Variants in RB1 observed in about 807,000 individuals in gnomAD.
RB1 encodes the protein retinoblastoma-associated protein.
In RB1, 18 loss-of-function variants were observed where a neutral mutation model predicts 135.4. The ratio of observed to expected loss-of-function variants is 0.13; its 90% CI spans 0.09 to 0.20. RB1 has a LOEUF of 0.20. RB1 is among the 10% of genes least tolerant of loss of function. The pLI is 1.00. For synonymous variants in RB1, 365 were observed against 373.2 expected (o/e 0.98, Z 0.25); for missense variants, 868 against 1,110.0 (o/e 0.78, Z 3.10).
chr13:48,313,745 CTTTTTTTTTTT>C (rs56131979), intron 2 of RB1, among the ~76,000 whole-genome samples: 6 of 101,962 alleles, frequency 5.9e-5, no homozygotes, highest in Non-Finnish European at 1.1e-4. Context: ...TATGTTTATT[CTTTTTTTTTTT>C]TTTTTTTTTT....
rs2138342314 is a variant in RB1, at chr13:48,463,753, G to T, written c.2129G>T (p.Gly710Val). 1 of 1,578,546 alleles carries T rather than the reference G, an allele frequency of 6.3e-7. No individual in the cohort carries two copies. The highest frequency in any genetic ancestry group is 8.7e-7 in the Non-Finnish European group (1 of 1,148,138). ...TAGATTATGATGTGTTCCATGTATG[G>T]CATATGCAAAGTGAAGAATATAGAC... is the stretch of plus-strand genomic sequence containing the variant. Reference protein sequence around the residue: ...LDQIMMCSMYGICKVKNIDLK... With the variant: ...LDQIMMCSMYVICKVKNIDLK... Residue 710 changes from glycine to valine, a missense_variant, in exon 21 of 27, where the codon GGC becomes GTC. Around this residue, in one of 3 missense-constraint regions of RB1, gnomAD observed 31 missense variants for 78.9 expected, o/e 0.39. Transcript: ENST00000267163.
At chr13:48,325,791 G>A (rs910345111) in intron 2 of RB1, among the ~76,000 whole-genome samples, 9 of 151,858 alleles carry the variant, frequency 5.9e-5, no homozygotes, top group Non-Finnish European at 1.0e-4. Flanking sequence ...AAACCGTTGC[G>A]GTGAATTATC....
At chr13:48,402,742 G>A (rs1395014895) in intron 17 of RB1, among the ~76,000 whole-genome samples, 2 of 151,770 alleles carry the variant, frequency 1.3e-5, no homozygotes, top group South Asian at 2.1e-4. Flanking sequence ...TTTTCCCCTC[G>A]TTTTAGGTAG....
At chr13:48,443,581 T>C (rs1949258952) in intron 17 of RB1, among the ~76,000 whole-genome samples, 1 of 152,234 alleles carries the variant, frequency 6.6e-6, no homozygotes, top group South Asian at 2.1e-4. Flanking sequence ...AAACTGAAAG[T>C]ACTTTCATTC....
chr13:48,333,988 T>C (rs1448725422), intron 2 of RB1, among the ~76,000 whole-genome samples: 1 of 152,136 alleles, frequency 6.6e-6, no homozygotes, highest in Non-Finnish European at 1.5e-5. Flanking sequence ...CCATAGGAGT[T>C]TTTCAAATTT....
intron 2 of RB1, chr13:48,328,678 C>T (rs1446613469): frequency 2.1e-6 from 1 of 477,732 alleles, no homozygotes. Context: ...TTCTCCACCC[C>T]CAGCTCCCAG....
At chr13:48,333,924 G>A (rs1952360264) in intron 2 of RB1, among the ~76,000 whole-genome samples, 1 of 152,118 alleles carries the variant, frequency 6.6e-6, no homozygotes, top group Admixed American at 6.5e-5. Flanking sequence ...GGACAAATGA[G>A]CAAGCAAGCA....
rs77181332 is a variant in RB1, at chr13:48,449,068, A to G, written c.1696-3925A>G. ...GTATTTAGTAATGTATTGCTTAGGCATGAGTAACTTCCTATTTGAAAGAAC... is the reference window on the plus strand; with the variant it reads ...GTATTTAGTAATGTATTGCTTAGGCGTGAGTAACTTCCTATTTGAAAGAAC... On this transcript the variant is annotated intron_variant, in intron 17 of 26. Coordinates refer to ENST00000267163, the MANE Select transcript of RB1 (RefSeq NM_000321.3). 5.3e-5 allele frequency among the ~76,000 whole-genome samples: 8 copies of G among 152,298 alleles called. No homozygotes were observed. The East Asian group carries it at 1.5e-3, about 29-fold the overall frequency.
Position 48,452,462 on chromosome 13 carries a change from G to A in RB1, c.1696-531G>A, listed in dbSNP as rs375570214. ...TGTAGTAATTTTCCACTTGGTCTACGTTTTCCAATTTATTGATATAAAATT... is the reference window on the plus strand; with the variant it reads ...TGTAGTAATTTTCCACTTGGTCTACATTTTCCAATTTATTGATATAAAATT... On this transcript the variant is annotated intron_variant, in intron 17 of 26. Transcript: ENST00000267163. Among the ~76,000 whole-genome samples the A allele has an allele frequency of 1.8e-4, 27 of 151,822 alleles. No homozygotes were observed. In the East Asian group the frequency reaches 2.3e-3, roughly 13 times the overall value.
chr13:48,455,213 G>T (rs983486912), intron 18 of RB1, among the ~76,000 whole-genome samples: 4 of 152,162 alleles, frequency 2.6e-5, no homozygotes, highest in Non-Finnish European at 5.9e-5. Flanking sequence ...CTAGGTTTTT[G>T]ACTTAAGACA....
At chr13:48,466,385 A>T (rs1472849834) in intron 23 of RB1, among the ~76,000 whole-genome samples, 1 of 88,594 alleles carries the variant, frequency 1.1e-5, no homozygotes, top group South Asian at 5.7e-4. Context: ...CAGAAAGGAC[A>T]TCTACACCGA....
intron 2 of RB1, among the ~76,000 whole-genome samples, chr13:48,311,304 A>T (rs917245417): frequency 4.6e-5 from 7 of 152,140 alleles, no homozygotes; most frequent in African/African-American, 1.7e-4. Context: ...TATTTTTGTG[A>T]TATGGTGGTT....
intron 6 of RB1, among the ~76,000 whole-genome samples, chr13:48,355,120 G>T (rs1952579257): frequency 1.3e-5 from 2 of 152,104 alleles, no homozygotes; most frequent in East Asian, 3.9e-4. Flanking sequence ...AATGAATGAA[G>T]TGAAGAGACA....
Position 48,463,813 on chromosome 13 carries a change from A to G in RB1, c.2189A>G (p.Asp730Gly). ...AAAATCATTGTAACAGCATACAAGG[A>G]TCTTCCTCATGCTGTTCAGGAGGTA... ...KFKIIVTAYK[D>G]LPHAVQETFK... Residue 730 changes from aspartate to glycine, a missense_variant, in exon 21 of 27, where the codon GAT (aspartate) becomes GGT (glycine). Transcript: ENST00000267163. 1 of 1,604,232 alleles carries G rather than the reference A, an allele frequency of 6.2e-7. No individual in the cohort carries two copies. The highest frequency in any genetic ancestry group is 8.5e-7 in the Non-Finnish European group (1 of 1,171,268).
chr13:48,314,040 G>A (rs1323376073), intron 2 of RB1, among the ~76,000 whole-genome samples: 3 of 152,076 alleles, frequency 2.0e-5, no homozygotes, highest in Non-Finnish European at 4.4e-5. Context: ...GAGCCACCGC[G>A]CCTGGCCGTA....
intron 10 of RB1, among the ~76,000 whole-genome samples, 172 bp downstream of exon 10, chr13:48,367,775 T>G (rs1952718584): frequency 6.6e-6 from 1 of 152,192 alleles, no homozygotes; most frequent in South Asian, 2.1e-4. Context: ...ATAACTTATC[T>G]ACAAATATAG....
intron 2 of RB1, among the ~76,000 whole-genome samples, chr13:48,324,917 A>G (rs540964121): frequency 2.5e-4 from 37 of 150,944 alleles, no homozygotes; most frequent in Non-Finnish European, 5.9e-5. Flanking sequence ...AGCTTCATTC[A>G]TGATGGCATA....
chr13:48,394,832 A>C (rs566818485), intron 17 of RB1, among the ~76,000 whole-genome samples: 1 of 152,220 alleles, frequency 6.6e-6, no homozygotes, highest in South Asian at 2.1e-4. Flanking sequence ...CAGCAGACTT[A>C]AACATTCCTG....
At chr13:48,333,083 C>T (rs1198623951) in intron 2 of RB1, 7 of 398,088 alleles carry the variant, frequency 1.8e-5, no homozygotes, top group East Asian at 3.6e-5. Flanking sequence ...AAAGTGAAAC[C>T]GTGGATATGG....
Sources: allele counts gnomAD v4.1 joint callset (sites outside exome capture counted in the v4.1 genomes callset), GRCh38; gene constraint gnomAD v4.1.1; regional missense constraint gnomAD v4.1.1; transcripts MANE v1.5; gene names NCBI Gene and HGNC (gene_info 2026-07-23, HGNC 2026-07-21).